The following IQGAP2 variants were observed in gnomAD, a reference collection of about 807,000 sequenced individuals.
IQGAP2 encodes the protein IQ motif containing GTPase activating protein 2.
Under a neutral mutation model 201.3 loss-of-function variants are expected in IQGAP2, and 173 were observed. The ratio of observed to expected loss-of-function variants is 0.86; its 90% CI spans 0.76 to 0.98. IQGAP2 has a LOEUF of 0.98. Ranked by LOEUF, IQGAP2 falls within the 50% of genes least tolerant of loss-of-function variation. IQGAP2 has a pLI of 0.00. For missense variants in IQGAP2, 1,687 were observed against 1,864.8 expected (o/e 0.90, Z 1.76); for synonymous variants, 675 against 673.9 (o/e 1.00, Z -0.03).
At chr5:76,603,766 A>T (rs1747597925) in intron 11 of IQGAP2, among the ~76,000 whole-genome samples, 1 of 152,126 alleles carries the variant, frequency 6.6e-6, no homozygotes. Context: ...TGGATTACTG[A>T]TCTTCTCAGA....
chr5:76,533,375 TG>T (rs1759431076), intron 2 of IQGAP2, among the ~76,000 whole-genome samples: 1 of 152,146 alleles, frequency 6.6e-6, no homozygotes, highest in African/African-American at 2.4e-5. Context: ...TTTACAAAAT[TG>T]ATCTTTAAAT....
chr5:76,587,213 T>C (rs1746309777), intron 5 of IQGAP2, among the ~76,000 whole-genome samples: 1 of 152,222 alleles, frequency 6.6e-6, no homozygotes, highest in Non-Finnish European at 1.5e-5. Context: ...TTTTAACCCT[T>C]TACTCATAAA....
intron 1 of IQGAP2, among the ~76,000 whole-genome samples, chr5:76,450,451 A>G (rs191618976): frequency 1.1e-3 from 173 of 152,352 alleles, no homozygotes; most frequent in African/African-American, 3.9e-3. Flanking sequence ...TCTATAGAGC[A>G]ATCTATTAGC....
chr5:76,476,855 A>G lies in IQGAP2; in HGVS notation c.146+15186A>G, dbSNP rs140159031. Among the ~76,000 whole-genome samples, 288 of 152,328 alleles carry G rather than the reference A, an allele frequency of 1.9e-3. 2 individuals carry two copies. Among genetic ancestry groups the G allele is most frequent in the African/African-American group, 6.4e-3 (268 of 41,574 alleles). ...AAACCTTATGACCCAGAGTAAAATA[A>G]TTTTATATCATGACCCAGGTAGCTG... On this transcript the variant is annotated intron_variant, in intron 2 of 35. Transcript: ENST00000274364.
At chr5:76,498,652 T>C (rs1365277433) in intron 2 of IQGAP2, among the ~76,000 whole-genome samples, 1 of 152,230 alleles carries the variant, frequency 6.6e-6, no homozygotes, top group Non-Finnish European at 1.5e-5. Context: ...TTTACAACCG[T>C]CCCTAAACCT....
rs1346824913 is a variant in IQGAP2, at chr5:76,588,486, T to G, written c.459-420T>G. Reference sequence around the variant, plus strand: ...AAAACAAATATTTCCTCAAGGGGTATGTGGTACTTGGAGGAATATTAAAAA... The same window carrying G: ...AAAACAAATATTTCCTCAAGGGGTAGGTGGTACTTGGAGGAATATTAAAAA... On this transcript the variant is annotated intron_variant, in intron 5 of 35. Transcript: ENST00000274364. 4.6e-5 allele frequency among the ~76,000 whole-genome samples: 7 copies of G among 152,372 alleles called. No homozygotes were observed. The East Asian group carries it at 1.2e-3, about 25-fold the overall frequency.
intron 2 of IQGAP2, among the ~76,000 whole-genome samples, chr5:76,505,522 A>C (rs138528313): frequency 6.6e-6 from 1 of 152,100 alleles, no homozygotes; most frequent in East Asian, 1.9e-4. Flanking sequence ...GGAGACTTGC[A>C]TTTTACCGAT....
intron 17 of IQGAP2, among the ~76,000 whole-genome samples, chr5:76,647,574 G>A (rs55728704): frequency 0.046 from 7,044 of 151,974 alleles, 215 homozygotes; most frequent in East Asian, 0.17. Flanking sequence ...ATTCTCTCTT[G>A]CTGCCACCGT....
chr5:76,461,367 C>CAA (rs35974708), intron 1 of IQGAP2, among the ~76,000 whole-genome samples: 42 of 96,708 alleles, frequency 4.3e-4, no homozygotes, highest in African/African-American at 1.6e-3. Context: ...GTTCCTGTCT[C>CAA]AAAAAAAAAA....
intron 35 of IQGAP2, among the ~76,000 whole-genome samples, chr5:76,705,048 A>G (rs10060848): frequency 0.66 from 100,421 of 151,932 alleles, 33,530 homozygotes; most frequent in Non-Finnish European, 0.69. Flanking sequence ...TGTGATATAT[A>G]TTCTTCTTGT....
At position 76,581,117 on chromosome 5, in the gene IQGAP2, G is replaced by C. The variant is rs558526085; in HGVS notation, c.458+5348G>C. Among the ~76,000 whole-genome samples, 10 of 152,314 alleles carry C rather than the reference G, an allele frequency of 6.6e-5. No individual in the cohort carries two copies. The South Asian group carries it at 1.9e-3, about 28-fold the overall frequency. On this transcript the variant is annotated intron_variant, in intron 5 of 35. Coordinates refer to ENST00000274364, the MANE Select transcript of IQGAP2 (RefSeq NM_006633.5). ...CCACTTCTGGTTCACCAGCCGTCCA[G>C]GTACTCTGGGAGCTTTGTGGAGTAG...
chr5:76,634,416 G>C (rs969752560), intron 15 of IQGAP2, among the ~76,000 whole-genome samples: 2 of 151,990 alleles, frequency 1.3e-5, no homozygotes, highest in African/African-American at 4.8e-5. Context: ...CTGCCAACAT[G>C]CCTGGCTCAT....
chr5:76,447,165 A>T (rs1294813108), intron 1 of IQGAP2, among the ~76,000 whole-genome samples: 3 of 152,168 alleles, frequency 2.0e-5, no homozygotes, highest in Non-Finnish European at 2.9e-5. Context: ...GAGAGACAGG[A>T]CTAGCTGGAT....
chr5:76,570,701 G>T (rs1257718640), intron 4 of IQGAP2, 44 bp downstream of exon 4: 1 of 1,277,112 alleles, frequency 7.8e-7, no homozygotes, highest in African/African-American at 1.5e-5. Context: ...AGGCAAAGGG[G>T]TAGTACACAA....
chr5:76,703,701 C>T (rs1209650978), intron 35 of IQGAP2, among the ~76,000 whole-genome samples: 2 of 150,558 alleles, frequency 1.3e-5, no homozygotes, highest in Non-Finnish European at 2.9e-5. Flanking sequence ...CATCTGCCCC[C>T]AACTTCTTAA....
At chr5:76,457,661 T>C (rs1754181668) in intron 1 of IQGAP2, among the ~76,000 whole-genome samples, 2 of 152,148 alleles carry the variant, frequency 1.3e-5, no homozygotes, top group Admixed American at 6.5e-5. Flanking sequence ...CAACTCCTTA[T>C]TGAATTAGGT....
At chr5:76,413,611 T>C (rs1288976214) in intron 1 of IQGAP2, among the ~76,000 whole-genome samples, 1 of 124,614 alleles carries the variant, frequency 8.0e-6, no homozygotes, top group Non-Finnish European at 1.9e-5. Flanking sequence ...TTTCCAGATA[T>C]AGCCGAGGTG....
chr5:76,593,504 A>G (rs1746803071), intron 9 of IQGAP2, among the ~76,000 whole-genome samples: 1 of 152,196 alleles, frequency 6.6e-6, no homozygotes, highest in Non-Finnish European at 1.5e-5. Flanking sequence ...ACCTGGCTCA[A>G]GTGTCTGATT....
chr5:76,631,782 G>A (rs1247086328), intron 14 of IQGAP2, 77 bp from the exon 15 acceptor site: 44 of 1,109,294 alleles, frequency 4.0e-5, no homozygotes, highest in East Asian at 3.1e-4. Flanking sequence ...TTCCTAAAAC[G>A]TTGAATTATA....
Sources: allele counts gnomAD v4.1 joint callset (sites outside exome capture counted in the v4.1 genomes callset), GRCh38; gene constraint gnomAD v4.1.1; transcripts MANE v1.5; gene names NCBI Gene and HGNC (gene_info 2026-07-23, HGNC 2026-07-21).